RHEX: variants seen among roughly 807,000 people sequenced by gnomAD.
RHEX encodes the protein regulator of hemoglobinization and erythroid cell expansion protein.
RHEX carries 18 observed loss-of-function variants against 20.1 expected under a neutral mutation model. The ratio of observed to expected loss-of-function variants is 0.90; its 90% CI spans 0.62 to 1.33. The LOEUF (loss-of-function observed/expected upper bound fraction) is 1.33, where lower values mean the gene tolerates loss of function less well. Ranked by LOEUF, RHEX falls within the 40% of genes most tolerant of loss-of-function variation. RHEX has a pLI of 0.00. For missense variants in RHEX, 192 were observed against 214.3 expected (o/e 0.90, Z 0.65); for synonymous variants, 87 against 77.1 (o/e 1.13, Z -0.67).
In RHEX at chr1:206,098,125, T is replaced by C; in HGVS notation, c.56T>C (p.Leu19Pro). 1 of 1,614,160 alleles carries C rather than the reference T, an allele frequency of 6.2e-7. No homozygotes were observed. The highest frequency in any genetic ancestry group is 8.5e-7 in the Non-Finnish European group (1 of 1,179,998). ...WHGLVIAVVSLFLQACFLTAI... is the reference protein window; with the variant it reads ...WHGLVIAVVSPFLQACFLTAI... Reference sequence around the variant, plus strand: ...GGCTTAGTGATCGCGGTGGTGTCCCTCTTCCTGCAGGCCTGCTTCCTCACC... The same window carrying C: ...GGCTTAGTGATCGCGGTGGTGTCCCCCTTCCTGCAGGCCTGCTTCCTCACC... The change falls in exon 3 of 6, where the codon CTC becomes CCC. Residue 19 changes from leucine (L) to proline (P), a missense_variant. By Grantham distance (98) the Leu-to-Pro change is moderately conservative. Coordinates refer to ENST00000331555, the MANE Select transcript of RHEX (RefSeq NM_001007544.4).
At chr1:206,094,169 G>GGTGTGTGTGTGTGT (rs66885504) in intron 1 of RHEX, among the ~76,000 whole-genome samples, 41 of 148,680 alleles carry the variant, frequency 2.8e-4, no homozygotes, top group Admixed American at 1.6e-3. Flanking sequence ...CTGGTTATTT[G>GGTGTGTGTGTGTGT]GTGTGTGTGT....
In RHEX at chr1:206,061,321, C is replaced by G. The variant is rs187659264; in HGVS notation, c.-97+8056C>G. On this transcript the variant is annotated intron_variant, in intron 1 of 5. Transcript: ENST00000331555. ...TGGTTATTAACCCAACTCAGACTGA[C>G]TCTGAGTTTATCCATTTTTCTAGGA... 7.9e-5 allele frequency: 12 copies of G among 152,326 alleles called. No individual in the cohort carries two copies. In the East Asian group the frequency reaches 2.3e-3, roughly 29 times the overall value. The allele number at this position is 152,326 out of a possible 1,614,324, so 9.4% of individuals were successfully genotyped here.
At chr1:206,077,969 C>T (rs1473724290) in intron 1 of RHEX, among the ~76,000 whole-genome samples, 2 of 152,192 alleles carry the variant, frequency 1.3e-5, no homozygotes, top group Non-Finnish European at 2.9e-5. Flanking sequence ...CACATGGGTG[C>T]TGAGATAGTG....
chr1:206,059,063 C>T (rs1662256122), intron 1 of RHEX, among the ~76,000 whole-genome samples: 1 of 152,118 alleles, frequency 6.6e-6, no homozygotes, highest in Non-Finnish European at 1.5e-5. Flanking sequence ...AACAGGTGTG[C>T]TCCACTCCCA....
intron 4 of RHEX, 53 bp from the exon 5 acceptor site, chr1:206,101,083 C>G (rs1172214249): frequency 6.9e-7 from 1 of 1,459,568 alleles, no homozygotes; most frequent in East Asian, 2.3e-5. Flanking sequence ...TCTATCCTCT[C>G]TTAACACCCT....
At chr1:206,098,029 T>C (rs1553287924) in intron 2 of RHEX, 52 bp from the exon 3 acceptor site, 7 of 1,414,350 alleles carry the variant, frequency 4.9e-6, no homozygotes, top group Non-Finnish European at 7.0e-6. Context: ...GGTTTGCAAT[T>C]GTATTCACAT....
At chr1:206,055,131 C>T (rs1020320187) in intron 1 of RHEX, among the ~76,000 whole-genome samples, 1 of 152,058 alleles carries the variant, frequency 6.6e-6, no homozygotes. Context: ...CAGGTTTCTA[C>T]AGCTTGGAGT....
intron 1 of RHEX, among the ~76,000 whole-genome samples, chr1:206,096,410 C>G (rs532123645): frequency 1.4e-4 from 22 of 152,244 alleles, no homozygotes; most frequent in Non-Finnish European, 3.2e-4. Flanking sequence ...TTGTTGTTTT[C>G]TCAGACACAC....
At chr1:206,063,548 C>G (rs751892463) in intron 1 of RHEX, among the ~76,000 whole-genome samples, 7 of 152,258 alleles carry the variant, frequency 4.6e-5, no homozygotes, top group Admixed American at 6.5e-5. Flanking sequence ...CGCGCCGCCA[C>G]GCCTGACTGG....
At position 206,072,332 on chromosome 1, in the gene RHEX, T is replaced by C. The variant is rs534858632; in HGVS notation, c.-97+19067T>C. On this transcript the variant is annotated intron_variant, in intron 1 of 5. Transcript: ENST00000331555. ...TGTTCACGCCTATAATCCCAGCACT[T>C]TGGGAGGCCGAGGTGGGTGGATCAC... Among the ~76,000 whole-genome samples the C allele has an allele frequency of 2.6e-5, 4 of 152,260 alleles. No homozygotes were observed. In the East Asian group the frequency reaches 7.7e-4, roughly 29 times the overall value.
At chr1:206,056,160 G>C (rs1365839986) in intron 1 of RHEX, among the ~76,000 whole-genome samples, 1 of 152,200 alleles carries the variant, frequency 6.6e-6, no homozygotes, top group African/African-American at 2.4e-5. Flanking sequence ...ACATAACTGT[G>C]TAGAGGTATT....
At chr1:206,071,712 G>A (rs1662532056) in intron 1 of RHEX, among the ~76,000 whole-genome samples, 1 of 151,822 alleles carries the variant, frequency 6.6e-6, no homozygotes, top group Non-Finnish European at 1.5e-5. Flanking sequence ...AGCCAGGCCT[G>A]GTGGTGAATG....
chr1:206,082,528 A>C (rs28677008), intron 1 of RHEX, among the ~76,000 whole-genome samples: 20,754 of 152,050 alleles, frequency 0.14, 1,834 homozygotes, highest in African/African-American at 0.25. Flanking sequence ...AAAAAAAAAA[A>C]AAAAGTTAAT....
At chr1:206,089,392 C>T (rs28670799) in intron 1 of RHEX, among the ~76,000 whole-genome samples, 2,799 of 152,188 alleles carry the variant, frequency 0.018, 80 homozygotes, top group African/African-American at 0.065. Flanking sequence ...TAGCTAAATA[C>T]AATTGCATTG....
intron 1 of RHEX, among the ~76,000 whole-genome samples, chr1:206,096,781 G>GTTTTTTTTTTTTTTTTTT (rs1212622253): frequency 1.5e-5 from 2 of 132,926 alleles, no homozygotes; most frequent in African/African-American, 3.0e-5. Flanking sequence ...TTTTTTTTTG[G>GTTTTTTTTTTTTTTTTTT]TTTTTTTTTT....
At chr1:206,065,889 G>GGTTTTTCA (rs1662412658) in intron 1 of RHEX, among the ~76,000 whole-genome samples, 1 of 152,214 alleles carries the variant, frequency 6.6e-6, no homozygotes, top group African/African-American at 2.4e-5. Context: ...CCCAATCATC[G>GGTTTTTCA]GTTTTTCAGT....
intron 4 of RHEX, among the ~76,000 whole-genome samples, chr1:206,100,039 A>C (rs1663157039): frequency 6.6e-6 from 1 of 152,162 alleles, no homozygotes; most frequent in Non-Finnish European, 1.5e-5. Context: ...GTCGTGTGCA[A>C]ATGATTGCAG....
chr1:206,098,174 G>C lies in RHEX; in HGVS notation c.105G>C (p.Arg35Ser), dbSNP rs1663114417. ...FLTAINYLLS[R>S]HMAHKSEQIL... ...CCGCCATCAACTACCTGCTCAGCAG[G>C]CACATGGGTAACTGGCTCAGCATCC... The change falls in exon 3 of 6, where the codon AGG becomes AGC. Residue 35 changes from arginine (R) to serine (S), a missense_variant. Coordinates refer to ENST00000331555, the MANE Select transcript of RHEX (RefSeq NM_001007544.4). 6.2e-7 allele frequency: 1 copy of C among 1,610,448 alleles called. No homozygotes were observed. Among genetic ancestry groups the C allele is most frequent in the Admixed American group, 1.7e-5 (1 of 59,992 alleles).
chr1:206,054,674 C>A (rs535156319), intron 1 of RHEX, among the ~76,000 whole-genome samples: 68 of 152,204 alleles, frequency 4.5e-4, no homozygotes, highest in African/African-American at 1.6e-3. Flanking sequence ...TAAAAAGAGT[C>A]TATAAAATCT....
Sources: gnomAD v4.1 joint callset for allele counts (sites outside exome capture counted in the v4.1 genomes callset) on GRCh38, gnomAD v4.1.1 for gene constraint, MANE v1.5 for transcripts, NCBI Gene and HGNC (gene_info 2026-07-23, HGNC 2026-07-21) for gene names.